The following SORBS2 variants were observed in gnomAD, a reference collection of about 807,000 sequenced individuals.
The protein encoded by SORBS2 is sorbin and SH3 domain-containing protein 2.
Under a neutral mutation model 97.7 loss-of-function variants are expected in SORBS2, and 46 were observed. The ratio of observed to expected loss-of-function variants is 0.47; its 90% CI spans 0.37 to 0.60. The LOEUF (loss-of-function observed/expected upper bound fraction) is 0.60. SORBS2 is among the 20% of genes least tolerant of loss of function. The pLI is 0.00. For missense variants in SORBS2, 1,316 were observed against 1,282.3 expected (o/e 1.03, Z -0.40); for synonymous variants, 476 against 473.4 (o/e 1.01, Z -0.07).
chr4:185,608,593 G>T (rs892258367), intron 12 of SORBS2, among the ~76,000 whole-genome samples: 4 of 152,094 alleles, frequency 2.6e-5, no homozygotes, highest in Non-Finnish European at 4.4e-5. Context: ...TTATGCAAAG[G>T]TATTAAAAGT....
chr4:185,611,135 C>G (rs2096531388), intron 12 of SORBS2, among the ~76,000 whole-genome samples: 1 of 152,038 alleles, frequency 6.6e-6, no homozygotes, highest in South Asian at 2.1e-4. Context: ...ATAAAACAAA[C>G]TTGAGGACTT....
chr4:185,781,468 C>T (rs1231715490), intron 1 of SORBS2, among the ~76,000 whole-genome samples: 1 of 152,124 alleles, frequency 6.6e-6, no homozygotes, highest in Non-Finnish European at 1.5e-5. Context: ...TCTCCACCAC[C>T]TTCCTCCCAG....
intron 1 of SORBS2, among the ~76,000 whole-genome samples, chr4:185,860,430 G>A (rs942102848): frequency 5.9e-5 from 9 of 152,218 alleles, no homozygotes; most frequent in Admixed American, 2.6e-4. Context: ...GGTTAGAAAG[G>A]GCCTCACATG....
At chr4:185,956,311 G>C (rs571556525) in exon 1 of SORBS2, 1 of 152,312 alleles carries the variant, frequency 6.6e-6, no homozygotes, top group East Asian at 1.9e-4. Context: ...CCTTGTAGCC[G>C]CAGCCAGCCT....
intron 1 of SORBS2, among the ~76,000 whole-genome samples, chr4:185,869,720 G>A (rs2099229343): frequency 3.9e-5 from 6 of 152,232 alleles, no homozygotes; most frequent in Admixed American, 6.5e-5. Flanking sequence ...GTAGGCAAGT[G>A]GAGTGTCTGC....
chr4:185,605,503 C>T (rs374367844), intron 12 of SORBS2, among the ~76,000 whole-genome samples: 4 of 151,556 alleles, frequency 2.6e-5, no homozygotes, highest in East Asian at 1.9e-4. Context: ...AGGTTGGTTT[C>T]GAACTCCTGA....
At chr4:185,819,550 C>A (rs759711968) in intron 1 of SORBS2, among the ~76,000 whole-genome samples, 10 of 152,244 alleles carry the variant, frequency 6.6e-5, no homozygotes, top group Non-Finnish European at 1.2e-4. Flanking sequence ...TACTGAGAAA[C>A]AAATTGATAA....
At chr4:185,930,465 T>G (rs999146830) in intron 1 of SORBS2, among the ~76,000 whole-genome samples, 2 of 151,996 alleles carry the variant, frequency 1.3e-5, no homozygotes, top group African/African-American at 4.8e-5. Context: ...GCCCGGCTAA[T>G]TTTTTGTATT....
At chr4:185,891,535 G>A (rs1423607193) in intron 1 of SORBS2, among the ~76,000 whole-genome samples, 2 of 152,196 alleles carry the variant, frequency 1.3e-5, no homozygotes, top group African/African-American at 4.8e-5. Context: ...TTGTGTACTA[G>A]AACCTAAGAC....
chr4:185,645,239 A>G (rs2097188910), intron 4 of SORBS2, among the ~76,000 whole-genome samples: 1 of 152,216 alleles, frequency 6.6e-6, no homozygotes, highest in African/African-American at 2.4e-5. Context: ...TATTTAATTT[A>G]AATCTGAGAT....
intron 1 of SORBS2, among the ~76,000 whole-genome samples, chr4:185,841,093 G>A (rs530183106): frequency 5.9e-4 from 90 of 152,322 alleles, no homozygotes; most frequent in Non-Finnish European, 9.6e-4. Context: ...AATGTGTGGC[G>A]TGCGGCATTG....
At chr4:185,853,827 T>C (rs1252030519) in intron 1 of SORBS2, among the ~76,000 whole-genome samples, 1 of 152,224 alleles carries the variant, frequency 6.6e-6, no homozygotes, top group Non-Finnish European at 1.5e-5. Flanking sequence ...GGGAAAATCA[T>C]TTTTGTATTT....
chr4:185,745,029 G>A (rs1282985720), intron 2 of SORBS2, among the ~76,000 whole-genome samples: 1 of 152,222 alleles, frequency 6.6e-6, no homozygotes, highest in Non-Finnish European at 1.5e-5. Context: ...AAAGAAAACA[G>A]AAGACACTTG....
intron 2 of SORBS2, among the ~76,000 whole-genome samples, chr4:185,757,930 C>T (rs1278554122): frequency 2.0e-5 from 3 of 152,176 alleles, no homozygotes; most frequent in African/African-American, 7.2e-5. Flanking sequence ...ATTGCTGATA[C>T]AATCTGGTGA....
chr4:185,895,571 C>T (rs895216580), intron 1 of SORBS2, among the ~76,000 whole-genome samples: 3 of 152,190 alleles, frequency 2.0e-5, no homozygotes, highest in African/African-American at 7.2e-5. Context: ...GCCAGGATCC[C>T]GGGTGCACCG....
At chr4:185,778,760 T>C (rs894326721) in intron 1 of SORBS2, among the ~76,000 whole-genome samples, 4 of 152,168 alleles carry the variant, frequency 2.6e-5, no homozygotes, top group Non-Finnish European at 5.9e-5. Context: ...TTGTACATCA[T>C]TAAGGCATAG....
chr4:185,907,326 T>A (rs1386484183), intron 1 of SORBS2, among the ~76,000 whole-genome samples: 3 of 152,206 alleles, frequency 2.0e-5, no homozygotes, highest in Non-Finnish European at 4.4e-5. Flanking sequence ...GGTATTATAA[T>A]GTTAGCTTTT....
At chr4:185,771,537 A>G (rs2098971514) in intron 2 of SORBS2, 2 of 152,202 alleles carry the variant, frequency 1.3e-5, no homozygotes, top group South Asian at 2.1e-4. Context: ...GCTTCTACAT[A>G]TGGCACTTCC....
At chr4:185,593,689 C>A in intron 13 of SORBS2, 197 bp downstream of exon 25, 1 of 550,280 alleles carries the variant, frequency 1.8e-6, no homozygotes, top group East Asian at 3.1e-5. Flanking sequence ...TCTCAGAGAA[C>A]TATGGGTTCT....
Sources: gnomAD v4.1 joint callset for allele counts (sites outside exome capture counted in the v4.1 genomes callset) on GRCh38, gnomAD v4.1.1 for gene constraint, MANE v1.5 for transcripts, NCBI Gene and HGNC (gene_info 2026-07-23, HGNC 2026-07-21) for gene names.